Variants in ATAD2B observed in about 807,000 individuals in gnomAD.
ATAD2B encodes the protein ATPase family AAA domain-containing protein 2B.
A neutral mutation model predicts 167.6 loss-of-function variants in ATAD2B; 40 were observed. The observed-to-expected ratio is 0.24, with a 90% CI of 0.19 to 0.31. ATAD2B has a LOEUF of 0.31. ATAD2B is among the 10% of genes least tolerant of loss of function. ATAD2B has a pLI of 1.00. For missense variants in ATAD2B, 1,242 were observed against 1,757.2 expected, an observed-to-expected ratio of 0.71 and a Z score of 5.24; for synonymous variants, 579 against 596.5, an observed-to-expected ratio of 0.97 and a Z score of 0.43.
chr2:23,902,452 T>C (rs1440104892), intron 1 of ATAD2B, among the ~76,000 whole-genome samples: 1 of 152,212 alleles, frequency 6.6e-6, no homozygotes, highest in Non-Finnish European at 1.5e-5. Context: ...AGCTTCTACC[T>C]ACAAACCTGA....
rs1675321096 is a variant in ATAD2B at position 23,751,246 on chromosome 2, C to G, written c.*800G>C. On this transcript the variant is annotated 3_prime_UTR_variant, in exon 28 of 28. Transcript: ENST00000238789. The stretch of plus-strand genomic sequence containing the variant: ...TTGTTGTTATTCATGTTTCTTAAAC[C>G]AAAACAGACCTTACAAGAAAACTTA... The G allele has an allele frequency of 6.6e-6, 1 of 151,840 alleles. No homozygotes were observed. The highest frequency in any genetic ancestry group is 6.6e-5 in the Admixed American group (1 of 15,220). The allele number at this position is 151,840 out of a possible 1,614,324, so 9.4% of individuals were successfully genotyped here. A position where few individuals can be genotyped will look rare whatever the true frequency, so the allele number is the denominator to read the frequency against.
chr2:23,881,746 G>A (rs987681466), intron 6 of ATAD2B, among the ~76,000 whole-genome samples: 1 of 151,232 alleles, frequency 6.6e-6, no homozygotes, highest in African/African-American at 2.4e-5. Context: ...TTTTTGAGAT[G>A]GAGTTTTGCT....
Position 23,887,832 on chromosome 2 carries a change from C to T in ATAD2B, c.572G>A (p.Ser191Asn). 1 of 1,586,250 alleles carries T rather than the reference C, an allele frequency of 6.3e-7. No individual in the cohort carries two copies. Among genetic ancestry groups the T allele is most frequent in the Non-Finnish European group, 8.6e-7 (1 of 1,169,402 alleles). Residue 191 changes from serine to asparagine, a missense_variant and splice_region_variant, in exon 4 of 28, where the codon AGC becomes AAC. This residue lies in a region of ATAD2B where 99 missense variants were observed against 160.4 expected (regional missense o/e 0.62). Transcript: ENST00000238789. ...ACTGCTTAATACTTGGCATTCATAC[C>T]TATTTACTAGTTGATCAAATAACAA... ...QSLLFDQLVN[S>N]TAEAVLQEMD...
At chr2:23,824,294 T>C (rs1687914616) in intron 15 of ATAD2B, among the ~76,000 whole-genome samples, 1 of 152,194 alleles carries the variant, frequency 6.6e-6, no homozygotes, top group Non-Finnish European at 1.5e-5. Context: ...AAAAAAGTTT[T>C]AAAAGAATAA....
chr2:23,881,784 C>T (rs1396018902), intron 6 of ATAD2B, among the ~76,000 whole-genome samples: 1 of 151,660 alleles, frequency 6.6e-6, no homozygotes, highest in African/African-American at 2.4e-5. Flanking sequence ...AGTGCAATGG[C>T]GCGATCTCAG....
chr2:23,836,707 G>C (rs937027402), intron 13 of ATAD2B, among the ~76,000 whole-genome samples: 4 of 152,144 alleles, frequency 2.6e-5, no homozygotes, highest in African/African-American at 9.7e-5. Context: ...AGGTCCTGGA[G>C]TGGGTAGCTC....
At chr2:23,719,268 T>C in the ATAD2B span, among the ~76,000 whole-genome samples, 3 of 152,062 alleles carry the variant, frequency 2.0e-5, no homozygotes, top group South Asian at 2.1e-4. Context: ...ATAAAGAATA[T>C]TCAAAATGTT....
chr2:23,864,237 T>A (rs1694835065), intron 11 of ATAD2B, among the ~76,000 whole-genome samples: 1 of 152,070 alleles, frequency 6.6e-6, no homozygotes, highest in African/African-American at 2.4e-5. Context: ...ATTCCTGACC[T>A]CAGGTGATCC....
At chr2:23,754,589 A>C in intron 26 of ATAD2B, 58 bp downstream of exon 26, 1 of 1,583,626 alleles carries the variant, frequency 6.3e-7, no homozygotes, top group Non-Finnish European at 8.6e-7. Context: ...ACTGCCTACA[A>C]ACACATTCAA....
In ATAD2B at chr2:23,818,983, G is replaced by C. The variant is rs187795257; in HGVS notation, c.2267+764C>G. 4.7e-4 allele frequency among the ~76,000 whole-genome samples: 72 copies of C among 152,262 alleles called. No individual in the cohort carries two copies. In the Middle Eastern group the frequency reaches 0.02, roughly 43 times the overall value. On this transcript the variant is annotated intron_variant, in intron 17 of 27. Coordinates refer to ENST00000238789, the MANE Select transcript of ATAD2B (RefSeq NM_017552.4). Reference sequence around the variant, plus strand: ...AAAATCAAAAAGTTATTTAATTACTGAACAATTTCTAAATCGAAATCTCTT... The same window carrying C: ...AAAATCAAAAAGTTATTTAATTACTCAACAATTTCTAAATCGAAATCTCTT...
rs1675182158 is a variant in ATAD2B at position 23,749,980 on chromosome 2, T to C, written c.*2066A>G. The C allele has an allele frequency of 6.6e-6, 1 of 152,098 alleles. No individual in the cohort carries two copies. The highest frequency in any genetic ancestry group is 2.1e-4 in the South Asian group (1 of 4,828). The allele number at this position is 152,098 out of a possible 1,614,324, so 9.4% of individuals were successfully genotyped here. ...GAACCTGAGACTTGCAAAAAACCCTTTTACCAGAAACTTGCTACAAAAAAT... is the reference window on the plus strand; with the variant it reads ...GAACCTGAGACTTGCAAAAAACCCTCTTACCAGAAACTTGCTACAAAAAAT... On this transcript the variant is annotated 3_prime_UTR_variant, in exon 28 of 28. Coordinates refer to ENST00000238789, the MANE Select transcript of ATAD2B (RefSeq NM_017552.4).
the ATAD2B span, among the ~76,000 whole-genome samples, chr2:23,732,188 T>C: frequency 6.6e-6 from 1 of 152,132 alleles, no homozygotes; most frequent in African/African-American, 2.4e-5. Flanking sequence ...AGCCTCACCA[T>C]AGGGATTCAA....
intron 2 of ATAD2B, among the ~76,000 whole-genome samples, chr2:23,891,626 G>A (rs1307667753): frequency 6.6e-6 from 1 of 151,588 alleles, no homozygotes; most frequent in East Asian, 2.0e-4. Flanking sequence ...CTCCCAAGCA[G>A]TACAGGCGTG....
chr2:23,878,636 G>C (rs1412704824), intron 7 of ATAD2B, among the ~76,000 whole-genome samples: 1 of 152,110 alleles, frequency 6.6e-6, no homozygotes, highest in Non-Finnish European at 1.5e-5. Context: ...TCCAGCCTGG[G>C]CGACAGAGCA....
At position 23,817,028 on chromosome 2, in the gene ATAD2B, G is replaced by C. The variant is rs530240806; in HGVS notation, c.2267+2719C>G. Among the ~76,000 whole-genome samples the C allele has an allele frequency of 2.0e-5, 3 of 152,290 alleles. No homozygotes were observed. In the South Asian group the frequency reaches 6.2e-4, roughly 32 times the overall value. On this transcript the variant is annotated intron_variant, in intron 17 of 27. Coordinates refer to ENST00000238789, the MANE Select transcript of ATAD2B (RefSeq NM_017552.4). ...AGCACCTTTTCTTCTGCATTGATCT[G>C]TAATGCTAACGTATCTTGCTCAAAC...
intron 19 of ATAD2B, among the ~76,000 whole-genome samples, chr2:23,794,788 T>C (rs1682342162): frequency 2.0e-5 from 3 of 152,238 alleles, no homozygotes; most frequent in Admixed American, 6.5e-5. Flanking sequence ...ATTTCATGTA[T>C]ATATGGTTTA....
the ATAD2B span, among the ~76,000 whole-genome samples, chr2:23,727,581 T>C: frequency 6.6e-6 from 1 of 152,150 alleles, no homozygotes; most frequent in African/African-American, 2.4e-5. Context: ...CCCAATGAGT[T>C]GAAAACATGC....
chr2:23,725,021 C>T, the ATAD2B span, among the ~76,000 whole-genome samples: 8 of 115,182 alleles, frequency 6.9e-5, no homozygotes, highest in South Asian at 2.9e-4. Context: ...CCAGCCTGGA[C>T]GACAGAGCAA....
intron 13 of ATAD2B, among the ~76,000 whole-genome samples, chr2:23,851,789 T>A (rs72786286): frequency 0.12 from 18,315 of 151,992 alleles, 1,182 homozygotes; most frequent in Middle Eastern, 0.22. Context: ...TACTAATTTT[T>A]AAAAATATAA....
Sources: gnomAD v4.1 joint callset for allele counts (sites outside exome capture counted in the v4.1 genomes callset) on GRCh38, gnomAD v4.1.1 for gene constraint, gnomAD v4.1.1 regional missense constraint, MANE v1.5 for transcripts, NCBI Gene and HGNC (gene_info 2026-07-23, HGNC 2026-07-21) for gene names.